Variants in WWC2 observed in about 807,000 individuals in gnomAD.
WWC2 encodes protein WWC2.
A neutral mutation model predicts 138.5 loss-of-function variants in WWC2; 101 were observed. The ratio of observed to expected loss-of-function variants is 0.73; its 90% CI spans 0.62 to 0.86. The LOEUF (loss-of-function observed/expected upper bound fraction) is 0.86, where lower values mean the gene tolerates loss of function less well. WWC2 is among the 40% of genes least tolerant of loss of function. The pLI is 0.00. For missense variants in WWC2, 1,420 were observed against 1,419.4 expected, an observed-to-expected ratio of 1.00 and a Z score of -0.01; for synonymous variants, 558 against 538.4, an observed-to-expected ratio of 1.04 and a Z score of -0.50.
At chr4:183,261,588 A>G (rs866518533) in intron 11 of WWC2, 56 bp downstream of exon 11, 4 of 1,507,462 alleles carry the variant, frequency 2.7e-6, no homozygotes, top group Admixed American at 2.3e-5. Flanking sequence ...AAGGAGAATG[A>G]TTGGAGCATT....
At chr4:183,290,684 A>G (rs546830257) in intron 21 of WWC2, among the ~76,000 whole-genome samples, 5 of 152,370 alleles carry the variant, frequency 3.3e-5, no homozygotes, top group Admixed American at 1.3e-4. Context: ...ATGTAGTAGC[A>G]AATAGAATTT....
intron 1 of WWC2, among the ~76,000 whole-genome samples, chr4:183,154,002 C>CAAAAAAAAAAAAA (rs35002790): frequency 2.0e-4 from 14 of 71,646 alleles, no homozygotes; most frequent in African/African-American, 8.1e-4. Context: ...CTTTAAAAAG[C>CAAAAAAAAAAAAA]AAAAAAAAAA....
intron 16 of WWC2, among the ~76,000 whole-genome samples, chr4:183,272,109 A>G (rs1737711446): frequency 1.3e-5 from 2 of 152,200 alleles, no homozygotes; most frequent in South Asian, 4.1e-4. Flanking sequence ...TGAATTTGGC[A>G]TTTGTGGTTA....
intron 1 of WWC2, among the ~76,000 whole-genome samples, chr4:183,115,156 A>AG (rs1469351136): frequency 6.6e-6 from 1 of 152,212 alleles, no homozygotes; most frequent in Non-Finnish European, 1.5e-5. Context: ...TAATTTGCTT[A>AG]GGATAATGGC....
intron 2 of WWC2, among the ~76,000 whole-genome samples, chr4:183,201,701 A>T (rs2111227116): frequency 6.6e-6 from 1 of 152,306 alleles, no homozygotes; most frequent in African/African-American, 2.4e-5. Flanking sequence ...GCCAACCAGA[A>T]ATACTTCGTT....
At chr4:183,240,073 C>A in intron 4 of WWC2, 110 bp from the exon 5 acceptor site, 1 of 720,836 alleles carries the variant, frequency 1.4e-6, no homozygotes, top group Non-Finnish European at 2.2e-6. Flanking sequence ...GTTACTTTAA[C>A]TCATGGCTTT....
At chr4:183,146,305 G>GGTA (rs1448736146) in intron 1 of WWC2, among the ~76,000 whole-genome samples, 4 of 152,130 alleles carry the variant, frequency 2.6e-5, no homozygotes, top group African/African-American at 9.7e-5. Context: ...TGGTAGAACT[G>GGTA]GACTTTGAGA....
At chr4:183,170,906 T>C (rs1209440129) in intron 1 of WWC2, among the ~76,000 whole-genome samples, 1 of 152,012 alleles carries the variant, frequency 6.6e-6, no homozygotes, top group Non-Finnish European at 1.5e-5. Flanking sequence ...TCTTGAACTC[T>C]GAGCTTCAAG....
chr4:183,234,968 C>T (rs1736370442), intron 4 of WWC2, among the ~76,000 whole-genome samples: 1 of 152,106 alleles, frequency 6.6e-6, no homozygotes, highest in Non-Finnish European at 1.5e-5. Context: ...TAGAATGATG[C>T]CAAGTGGTTC....
At chr4:183,143,786 C>A (rs1484800851) in intron 1 of WWC2, among the ~76,000 whole-genome samples, 1 of 151,120 alleles carries the variant, frequency 6.6e-6, no homozygotes, top group Non-Finnish European at 1.5e-5. Context: ...CTAGCCTGGG[C>A]AACAGAGATA....
intron 1 of WWC2, among the ~76,000 whole-genome samples, chr4:183,109,163 A>T (rs1732149561): frequency 6.6e-6 from 1 of 152,216 alleles, no homozygotes; most frequent in Non-Finnish European, 1.5e-5. Context: ...TTAGCCCTCC[A>T]GCTAAGAATG....
chr4:183,282,255 A>G (rs1376931601), intron 17 of WWC2, among the ~76,000 whole-genome samples: 1 of 152,180 alleles, frequency 6.6e-6, no homozygotes, highest in East Asian at 1.9e-4. Context: ...AACTTCCTTA[A>G]CGTAGGATTC....
intron 1 of WWC2, among the ~76,000 whole-genome samples, chr4:183,170,355 C>T (rs1033881593): frequency 6.6e-6 from 1 of 152,208 alleles, no homozygotes; most frequent in African/African-American, 2.4e-5. Context: ...CTTGCACAAA[C>T]ATGCTCTTCA....
chr4:183,206,115 G>A (rs1735440400), intron 2 of WWC2, among the ~76,000 whole-genome samples: 2 of 151,998 alleles, frequency 1.3e-5, no homozygotes, highest in South Asian at 4.2e-4. Context: ...TCCAAAAAGT[G>A]CTTTCAGACA....
At chr4:183,247,472 C>G (rs1320039280) in intron 6 of WWC2, among the ~76,000 whole-genome samples, 1 of 144,538 alleles carries the variant, frequency 6.9e-6, no homozygotes, top group African/African-American at 2.6e-5. Flanking sequence ...AAGTTTTATC[C>G]TCATATATAT....
chr4:183,253,904 C>T lies in WWC2; in HGVS notation c.1101C>T (p.Thr367=). The T allele has an allele frequency of 6.2e-7, 1 of 1,613,672 alleles. No individual in the cohort carries two copies. ...ELQFVTPQKR[T]QDELERLEAE... is the part of the protein sequence containing the mutation. ...AGTTCGTCACCCCACAGAAACGTAC[C>T]CAAGATGAATTAGAACGCCTAGAAG... Residue 367 remains threonine (T), a synonymous_variant, in exon 9 of 23, where the codon ACC becomes ACT. Coordinates refer to ENST00000403733, the MANE Select transcript of WWC2 (RefSeq NM_024949.6).
chr4:183,205,716 C>A (rs1171045349), intron 2 of WWC2, among the ~76,000 whole-genome samples: 2 of 151,976 alleles, frequency 1.3e-5, no homozygotes, highest in African/African-American at 4.8e-5. Context: ...TAGCCTTTAC[C>A]CTATGTCTTA....
intron 4 of WWC2, among the ~76,000 whole-genome samples, chr4:183,223,509 T>G (rs1199888940): frequency 6.6e-6 from 1 of 152,228 alleles, no homozygotes; most frequent in Non-Finnish European, 1.5e-5. Context: ...TTTCAGCATG[T>G]ATTTTTAAAG....
chr4:183,208,226 A>G (rs2111240020), intron 3 of WWC2, 70 bp downstream of exon 3: 1 of 1,499,228 alleles, frequency 6.7e-7, no homozygotes, highest in African/African-American at 1.4e-5. Flanking sequence ...GACCACTTAC[A>G]TTTCTATGGA....
Sources: gnomAD v4.1 joint callset for allele counts (sites outside exome capture counted in the v4.1 genomes callset) on GRCh38, gnomAD v4.1.1 for gene constraint, MANE v1.5 for transcripts, NCBI Gene and HGNC (gene_info 2026-07-23, HGNC 2026-07-21) for gene names.